The following AAK1 variants were observed in gnomAD, a reference collection of about 807,000 sequenced individuals.
The protein encoded by AAK1 is AP2 associated kinase 1, also known as AP2-associated protein kinase 1.
Under a neutral mutation model 116.0 loss-of-function variants are expected in AAK1, and 37 were observed. The observed-to-expected ratio is 0.32, with a 90% CI of 0.25 to 0.42. AAK1 has a LOEUF of 0.42. AAK1 is among the 10% of genes least tolerant of loss of function. AAK1 has a pLI of 1.00. For synonymous variants in AAK1, 458 were observed against 439.9 expected (o/e 1.04, Z -0.51); for missense variants, 919 against 1,170.6 (o/e 0.79, Z 3.14).
intron 2 of AAK1, among the ~76,000 whole-genome samples, chr2:69,602,779 T>C (rs1225078345): frequency 6.6e-6 from 1 of 151,916 alleles, no homozygotes; most frequent in Non-Finnish European, 1.5e-5. Flanking sequence ...TCATTGTGCC[T>C]CACATAAACT....
Position 69,642,769 on chromosome 2 carries a change from A to G in AAK1, c.163+109T>C, listed in dbSNP as rs79643475. 0.039 allele frequency: 55,533 copies of G among 1,429,082 alleles called. 8,246 individuals carry two copies. In the East Asian group the frequency reaches 0.42, roughly 11 times the overall value. The allele number at this position is 1,429,082 out of a possible 1,614,324, so 88.5% of individuals were successfully genotyped here. On this transcript the variant is annotated intron_variant, in intron 2 of 21. Transcript: ENST00000409085. ...GACTCACAGGGCAAGTGAAGGGGGA[A>G]GGGAGGGTCAACTGGTCAAAGCCCA... is the stretch of plus-strand genomic sequence containing the variant.
chr2:69,626,837 C>T (rs775272302), intron 2 of AAK1, among the ~76,000 whole-genome samples: 4 of 151,948 alleles, frequency 2.6e-5, no homozygotes, highest in East Asian at 1.9e-4. Flanking sequence ...GATTTATTTT[C>T]GTCACTTCAC....
chr2:69,506,549 G>C (rs548417083), intron 15 of AAK1, among the ~76,000 whole-genome samples: 29 of 152,246 alleles, frequency 1.9e-4, no homozygotes, highest in African/African-American at 6.5e-4. Context: ...ATTTTTTGTA[G>C]AGATAGGATC....
intron 2 of AAK1, among the ~76,000 whole-genome samples, chr2:69,586,935 T>C (rs148373038): frequency 1.3e-5 from 2 of 152,158 alleles, no homozygotes; most frequent in African/African-American, 4.8e-5. Context: ...TGAGAACCAA[T>C]GCACCATGCT....
rs1334044726 is a variant in AAK1 at position 69,500,686 on chromosome 2, T to C, written c.2270-4606A>G. 9.0e-3 allele frequency among the ~76,000 whole-genome samples: 995 copies of C among 110,410 alleles called. 51 individuals carry two copies. Among genetic ancestry groups the C allele is most frequent in the Admixed American group, 0.074 (732 of 9,848 alleles). The allele number at this position is 110,410 out of a possible 152,430, so 72.4% of individuals were successfully genotyped here. On this transcript the variant is annotated intron_variant, in intron 16 of 21. Coordinates refer to ENST00000409085, the MANE Select transcript of AAK1 (RefSeq NM_014911.5). ...TAAAATATATATATATATATATATA[T>C]ATATATATATATACACACACACACA... is the stretch of plus-strand genomic sequence containing the variant.
chr2:69,629,782 G>C (rs1426363192), intron 2 of AAK1, among the ~76,000 whole-genome samples: 2 of 152,080 alleles, frequency 1.3e-5, no homozygotes, highest in East Asian at 1.9e-4. Flanking sequence ...TACTCAATTG[G>C]ATACAAAATA....
intron 9 of AAK1, among the ~76,000 whole-genome samples, chr2:69,525,454 G>C (rs998834576): frequency 6.6e-6 from 1 of 152,196 alleles, no homozygotes; most frequent in Non-Finnish European, 1.5e-5. Context: ...TAGAAGTGAT[G>C]CTATGAAAGG....
intron 16 of AAK1, among the ~76,000 whole-genome samples, chr2:69,500,698 TAC>T (rs563907265): frequency 0.038 from 2,453 of 64,732 alleles, 56 homozygotes; most frequent in Non-Finnish European, 0.045. Context: ...TATATATATA[TAC>T]ACACACACAC....
chr2:69,609,537 T>C (rs7599665), intron 2 of AAK1, among the ~76,000 whole-genome samples: 77,539 of 151,294 alleles, frequency 0.51, 22,301 homozygotes, highest in African/African-American at 0.76. Context: ...CAAAAATTAG[T>C]CAGGCACGGT....
rs1674642569 is a variant in AAK1, at chr2:69,470,562, G to A, written c.*5307C>T. 2.0e-6 allele frequency: 2 copies of A among 985,254 alleles called. No homozygotes were observed. The highest frequency in any genetic ancestry group is 6.1e-5 in the Admixed American group (1 of 16,262). 61.0% of individuals were successfully genotyped at this position (985,254 alleles called of 1,614,324 possible). On this transcript the variant is annotated 3_prime_UTR_variant, in exon 22 of 22. Transcript: ENST00000409085. ...AATTAAATGAGTGAGTTTTCTCACT[G>A]GGGATAAAATTATTCTTGCCAACAC...
At position 69,531,450 on chromosome 2, in the gene AAK1, A is replaced by T. The variant is rs946247481; in HGVS notation, c.656+591T>A. On this transcript the variant is annotated intron_variant, in intron 6 of 21. Coordinates refer to ENST00000409085, the MANE Select transcript of AAK1 (RefSeq NM_014911.5). Reference sequence around the variant, plus strand: ...GCTAGACTGTTGACTTATTAGTAGTAATAGCGAGTGCTGTTGCCTGTAAAA... The same window carrying T: ...GCTAGACTGTTGACTTATTAGTAGTTATAGCGAGTGCTGTTGCCTGTAAAA... Among the ~76,000 whole-genome samples, 11 of 152,204 alleles carry T rather than the reference A, an allele frequency of 7.2e-5. 1 individual carries two copies. The highest frequency in any genetic ancestry group is 2.7e-4 in the African/African-American group (11 of 41,448).
Position 69,458,931 on chromosome 2 carries a change from T to A in AAK1, c.*16938A>T, listed in dbSNP as rs951449857. ...CCTTTAACATGTACATATAGTTCCA[T>A]TATAATGCAATGCAGGTAACACTAA... On this transcript the variant is annotated 3_prime_UTR_variant, in exon 22 of 22. Transcript: ENST00000409085. The A allele has an allele frequency of 1.0e-4, 16 of 152,414 alleles. No individual in the cohort carries two copies. The highest frequency in any genetic ancestry group is 3.9e-4 in the African/African-American group (16 of 41,466). The allele number at this position is 152,414 out of a possible 1,614,324, so 9.4% of individuals were successfully genotyped here.
chr2:69,580,345 G>A (rs557670999), intron 2 of AAK1, among the ~76,000 whole-genome samples: 7 of 152,056 alleles, frequency 4.6e-5, no homozygotes, highest in Admixed American at 4.6e-4. Context: ...GGACCATCAT[G>A]GACATCTGAT....
chr2:69,480,916 G>T lies in AAK1; in HGVS notation c.2513C>A (p.Pro838His), dbSNP rs371548381. 1.2e-6 allele frequency: 2 copies of T among 1,607,538 alleles called. No individual in the cohort carries two copies. Among genetic ancestry groups the T allele is most frequent in the African/African-American group, 1.3e-5 (1 of 74,818 alleles). Reference sequence around the variant, plus strand: ...AGATGGGAGGCGCTGGGGAACTGGGGGCTCCAGTCCTGGTATGAGACTCTC... The same window carrying T: ...AGATGGGAGGCGCTGGGGAACTGGGTGCTCCAGTCCTGGTATGAGACTCTC... ...AVESLIPGLEPPVPQRLPSQT... is the reference protein window; with the variant it reads ...AVESLIPGLEHPVPQRLPSQT... Residue 838 changes from proline (P) to histidine (H), a missense_variant, in exon 19 of 22, where the codon CCC becomes CAC. This residue lies in a region of AAK1 where 263 missense variants were observed against 285.5 expected (regional missense o/e 0.92). Transcript: ENST00000409085.
At chr2:69,555,513 C>T (rs1339554503) in intron 3 of AAK1, among the ~76,000 whole-genome samples, 1 of 152,212 alleles carries the variant, frequency 6.6e-6, no homozygotes. Flanking sequence ...CAATGCCACC[C>T]TCTCCATTGT....
In AAK1 at chr2:69,461,737, G is replaced by T. The variant is rs978753724; in HGVS notation, c.*14132C>A. On this transcript the variant is annotated 3_prime_UTR_variant, in exon 22 of 22. Transcript: ENST00000409085. ...CTCCCTAGTAACTGGGACTACAGGT[G>T]CGTGCCATCACGCCCAGCTACTTTT... The T allele has an allele frequency of 4.5e-5, 16 of 352,056 alleles. No individual in the cohort carries two copies. In the Admixed American group the frequency reaches 6.0e-4, roughly 13 times the overall value. 21.8% of individuals were successfully genotyped at this position (352,056 alleles called of 1,614,324 possible).
chr2:69,532,433 C>T (rs1372917945), intron 5 of AAK1, among the ~76,000 whole-genome samples: 3 of 152,150 alleles, frequency 2.0e-5, no homozygotes, highest in Non-Finnish European at 2.9e-5. Flanking sequence ...ATTTCAGCCA[C>T]ATTTCTCACC....
At position 69,475,774 on chromosome 2, in the gene AAK1, A is replaced by AT. The variant is rs1022343814; in HGVS notation, c.*94dup. 9.3e-6 allele frequency: 14 copies of AT among 1,498,410 alleles called. No homozygotes were observed. The African/African-American group carries it at 9.8e-5, about 10-fold the overall frequency. 92.8% of individuals were successfully genotyped at this position (1,498,410 alleles called of 1,614,324 possible). A position where few individuals can be genotyped will look rare whatever the true frequency, so the allele number is the denominator to read the frequency against. ...GGGCTGGAGGGCCCCTTATTTGCAGATTTTTTTAAAAAAATCATTTTTTTC... is the reference window on the plus strand; with the variant it reads ...GGGCTGGAGGGCCCCTTATTTGCAGATTTTTTTTAAAAAAATCATTTTTTTC... On this transcript the variant is annotated 3_prime_UTR_variant, in exon 22 of 22. Transcript: ENST00000409085.
intron 16 of AAK1, among the ~76,000 whole-genome samples, chr2:69,504,311 T>C (rs1316352272): frequency 6.8e-6 from 1 of 147,704 alleles, no homozygotes; most frequent in Non-Finnish European, 1.5e-5. Context: ...GGCATGAGAA[T>C]TGCTTGAACC....
Sources: gnomAD v4.1 joint callset for allele counts (sites outside exome capture counted in the v4.1 genomes callset) on GRCh38, gnomAD v4.1.1 for gene constraint, gnomAD v4.1.1 regional missense constraint, MANE v1.5 for transcripts, NCBI Gene and HGNC (gene_info 2026-07-23, HGNC 2026-07-21) for gene names.